The following EFEMP1 variants were observed in gnomAD, a reference collection of about 807,000 sequenced individuals.
EFEMP1 encodes the protein EGF-like fibulin extracellular matrix protein 1.
A neutral mutation model predicts 65.7 loss-of-function variants in EFEMP1; 18 were observed. That is an observed-to-expected ratio of 0.27 (90% CI 0.19 to 0.41). EFEMP1 has a LOEUF of 0.41. Among genes scored for constraint, EFEMP1 ranks in the 10% least tolerant of loss-of-function variants. EFEMP1 has a pLI of 1.00. For missense variants in EFEMP1, 469 were observed against 624.8 expected (o/e 0.75, Z 2.66); for synonymous variants, 237 against 219.7 (o/e 1.08, Z -0.70).
In EFEMP1 at chr2:55,921,003, C is replaced by T. The variant is rs1049157725; in HGVS notation, c.81+1357G>A. 1.4e-4 allele frequency among the ~76,000 whole-genome samples: 21 copies of T among 152,098 alleles called. No homozygotes were observed. Among genetic ancestry groups the T allele is most frequent in the African/African-American group, 5.1e-4 (21 of 41,422 alleles). ...TCTTAAAACTATCATGTTTAAGCCA[C>T]AGGGAACCTTCTCTGGTAAAAATGA... On this transcript the variant is annotated intron_variant, in intron 3 of 11. Coordinates refer to ENST00000355426, the MANE Select transcript of EFEMP1 (RefSeq NM_001039348.3). The surrounding 1 kb of genome is among the most constrained non-coding windows in gnomAD (Gnocchi z 4.1).
intron 8 of EFEMP1, 57 bp from the exon 9 acceptor site, chr2:55,875,122 TTGG>T: frequency 9.2e-7 from 1 of 1,090,678 alleles, no homozygotes; most frequent in Non-Finnish European, 1.3e-6. Context: ...CACCACTACT[TTGG>T]ATATATATAT....
Position 55,921,759 on chromosome 2 carries a change from C to T in EFEMP1, c.81+601G>A, listed in dbSNP as rs975232584. ...GAGACGCTAATTAGAAAATGCAAAA[C>T]GGAGTTGCACACATTACGTTTTAAA... On this transcript the variant is annotated intron_variant, in intron 3 of 11. Coordinates refer to ENST00000355426, the MANE Select transcript of EFEMP1 (RefSeq NM_001039348.3). The surrounding 1 kb of genome is among the most constrained non-coding windows in gnomAD (Gnocchi z 4.1). Among the ~76,000 whole-genome samples, 8 of 152,176 alleles carry T rather than the reference C, an allele frequency of 5.3e-5. No individual in the cohort carries two copies. Among genetic ancestry groups the T allele is most frequent in the East Asian group, 3.9e-4 (2 of 5,190 alleles).
intron 5 of EFEMP1, among the ~76,000 whole-genome samples, chr2:55,909,691 T>C (rs1670409864): frequency 6.6e-6 from 1 of 152,210 alleles, no homozygotes; most frequent in Non-Finnish European, 1.5e-5. Context: ...CGTTTTCTTT[T>C]TCTGTCCAAA....
Position 55,871,641 on chromosome 2 carries a change from G to A in EFEMP1, c.1001-518C>T, listed in dbSNP as rs974886357. 6.6e-6 allele frequency among the ~76,000 whole-genome samples: 1 copy of A among 152,020 alleles called. No individual in the cohort carries two copies. Among genetic ancestry groups the A allele is most frequent in the Non-Finnish European group, 1.5e-5 (1 of 67,976 alleles). Reference sequence around the variant, plus strand: ...GTTAGATGGAGTTTTCATGGCTGGGGCAGGGAAGGCTTTCCAAGCTGAGAA... The same window carrying A: ...GTTAGATGGAGTTTTCATGGCTGGGACAGGGAAGGCTTTCCAAGCTGAGAA... On this transcript the variant is annotated intron_variant, in intron 9 of 11. Transcript: ENST00000355426. This position sits in a 1 kb window ranked among gnomAD's most constrained non-coding sequence, Gnocchi z 4.2.
At position 55,870,954 on chromosome 2, in the gene EFEMP1, G is replaced by C. The variant is rs1267582774; in HGVS notation, c.1125-39C>G. 2 of 1,613,726 alleles carry C rather than the reference G, an allele frequency of 1.2e-6. No individual in the cohort carries two copies. Among genetic ancestry groups the C allele is most frequent in the Non-Finnish European group, 8.5e-7 (1 of 1,179,786 alleles). On this transcript the variant is annotated intron_variant, in intron 10 of 11. Transcript: ENST00000355426. The surrounding 1 kb of genome is among the most constrained non-coding windows in gnomAD (Gnocchi z 5.8). ...CAAAAGTATTCAGCAGTTTGGCTTG[G>C]TAAGACCAGAAAATCCTCACTTTCA...
rs1016737936 is a variant in EFEMP1 at position 55,886,337 on chromosome 2, A to C, written c.518-4603T>G. ...TCCAGACTGTAAACCCCTGGAGTAA[A>C]ATAACCGTATCTTTACTAGTTCTGT... On this transcript the variant is annotated intron_variant, in intron 5 of 11. Coordinates refer to ENST00000355426, the MANE Select transcript of EFEMP1 (RefSeq NM_001039348.3). This position sits in a 1 kb window ranked among gnomAD's most constrained non-coding sequence, Gnocchi z 4.0. Among the ~76,000 whole-genome samples, 1 of 152,130 alleles carries C rather than the reference A, an allele frequency of 6.6e-6. No homozygotes were observed. The highest frequency in any genetic ancestry group is 1.5e-5 in the Non-Finnish European group (1 of 68,014).
intron 5 of EFEMP1, among the ~76,000 whole-genome samples, chr2:55,882,939 T>G (rs959190901): frequency 6.6e-6 from 1 of 152,102 alleles, no homozygotes; most frequent in Admixed American, 6.5e-5. Context: ...CCTCTAAGAA[T>G]CTCTGAGAGT....
intron 5 of EFEMP1, among the ~76,000 whole-genome samples, chr2:55,914,011 A>G (rs945108438): frequency 1.3e-5 from 2 of 152,012 alleles, no homozygotes; most frequent in African/African-American, 4.8e-5. Context: ...CTCTGTCTCA[A>G]AAAAAAAGGA....
chr2:55,874,711 C>T (rs1397034906), intron 9 of EFEMP1, among the ~76,000 whole-genome samples: 1 of 151,898 alleles, frequency 6.6e-6, no homozygotes, highest in Non-Finnish European at 1.5e-5. Context: ...ACATAGAATA[C>T]ATATCAATAT....
At chr2:55,920,086 A>G (rs904564404) in intron 3 of EFEMP1, among the ~76,000 whole-genome samples, 1 of 152,156 alleles carries the variant, frequency 6.6e-6, no homozygotes, top group African/African-American at 2.4e-5. Context: ...CCCACTACCC[A>G]GTTCCAGCTG....
chr2:55,891,094 C>T (rs981544198), intron 5 of EFEMP1, among the ~76,000 whole-genome samples: 27 of 151,978 alleles, frequency 1.8e-4, no homozygotes, highest in African/African-American at 6.0e-4. Context: ...TTCTGCTCTT[C>T]TCCCTGGGAA....
chr2:55,884,236 A>C (rs1278431430), intron 5 of EFEMP1, among the ~76,000 whole-genome samples: 1 of 152,218 alleles, frequency 6.6e-6, no homozygotes, highest in East Asian at 1.9e-4. Flanking sequence ...TTATTAGTTT[A>C]TTTAAATAAC....
chr2:55,923,678 C>G lies in EFEMP1; in HGVS notation c.-49+33G>C, dbSNP rs1037004807. On this transcript the variant is annotated intron_variant, in intron 1 of 11. Transcript: ENST00000355426. This position sits in a 1 kb window ranked among gnomAD's most constrained non-coding sequence, Gnocchi z 5.3. ...CGCGCGGCCCAGTGAGTACTGGGCT[C>G]GCTCGGGGCGACCCCCCGTTGGGGG... 1 of 985,644 alleles carries G rather than the reference C, an allele frequency of 1.0e-6. No individual in the cohort carries two copies. Among genetic ancestry groups the G allele is most frequent in the African/African-American group, 1.7e-5 (1 of 57,210 alleles). 61.1% of individuals were successfully genotyped at this position (985,644 alleles called of 1,614,324 possible).
chr2:55,922,994 T>C lies in EFEMP1; in HGVS notation c.-48-55A>G. The C allele has an allele frequency of 1.0e-6, 1 of 1,000,634 alleles. No individual in the cohort carries two copies. Among genetic ancestry groups the C allele is most frequent in the Non-Finnish European group, 1.2e-6 (1 of 836,686 alleles). The allele number at this position is 1,000,634 out of a possible 1,614,324, so 62.0% of individuals were successfully genotyped here. A position where few individuals can be genotyped will look rare whatever the true frequency, so the allele number is the denominator to read the frequency against. ...CAAGCTTTTTATTTTTTAAACAAAA[T>C]AACAAAACAAAACTCGGAGAGCAAT... is the stretch of plus-strand genomic sequence containing the variant. On this transcript the variant is annotated intron_variant, in intron 1 of 11. Coordinates refer to ENST00000355426, the MANE Select transcript of EFEMP1 (RefSeq NM_001039348.3). This position sits in a 1 kb window ranked among gnomAD's most constrained non-coding sequence, Gnocchi z 5.5.
intron 5 of EFEMP1, among the ~76,000 whole-genome samples, chr2:55,910,209 T>G (rs1282846232): frequency 1.3e-5 from 2 of 152,226 alleles, no homozygotes; most frequent in Admixed American, 6.5e-5. Flanking sequence ...CACTTCATTT[T>G]TATTAAATGT....
chr2:55,866,548 A>G lies in EFEMP1; in HGVS notation c.*525T>C, dbSNP rs892560267. 6.5e-6 allele frequency: 1 copy of G among 154,218 alleles called. No homozygotes were observed. Among genetic ancestry groups the G allele is most frequent in the Non-Finnish European group, 1.4e-5 (1 of 69,106 alleles). The allele number at this position is 154,218 out of a possible 1,614,324, so 9.6% of individuals were successfully genotyped here. ...AGCAATGATTTATTACTATATAATA[A>G]ACAACCACCTTTAGGCTGGATATGA... On this transcript the variant is annotated 3_prime_UTR_variant, in exon 12 of 12. Coordinates refer to ENST00000355426, the MANE Select transcript of EFEMP1 (RefSeq NM_001039348.3).
At chr2:55,875,306 C>T (rs1668984874) in intron 8 of EFEMP1, among the ~76,000 whole-genome samples, 1 of 146,146 alleles carries the variant, frequency 6.8e-6, no homozygotes, top group African/African-American at 2.6e-5. Flanking sequence ...GACTTGGGCA[C>T]ATTTCTTAAG....
Position 55,883,346 on chromosome 2 carries a change from C to T in EFEMP1, c.518-1612G>A, listed in dbSNP as rs569209834. Among the ~76,000 whole-genome samples, 4 of 152,268 alleles carry T rather than the reference C, an allele frequency of 2.6e-5. No individual in the cohort carries two copies. Among genetic ancestry groups the T allele is most frequent in the African/African-American group, 9.6e-5 (4 of 41,562 alleles). On this transcript the variant is annotated intron_variant, in intron 5 of 11. Transcript: ENST00000355426. This position sits in a 1 kb window ranked among gnomAD's most constrained non-coding sequence, Gnocchi z 4.5. Reference sequence around the variant, plus strand: ...AGGTACTATGCGATGGTGCAACAATCCTGCTTTGAAATTATCTGCTGTTTT... The same window carrying T: ...AGGTACTATGCGATGGTGCAACAATTCTGCTTTGAAATTATCTGCTGTTTT...
Position 55,921,654 on chromosome 2 carries a change from T to A in EFEMP1, c.81+706A>T, listed in dbSNP as rs1670909393. On this transcript the variant is annotated intron_variant, in intron 3 of 11. Transcript: ENST00000355426. This position sits in a 1 kb window ranked among gnomAD's most constrained non-coding sequence, Gnocchi z 4.1. ...CAACTATTTGTAGCAGTGGGAGGGG[T>A]CAGGTGATCTTTTTAATATTTTATT... Among the ~76,000 whole-genome samples, 1 of 152,128 alleles carries A rather than the reference T, an allele frequency of 6.6e-6. No homozygotes were observed. Among genetic ancestry groups the A allele is most frequent in the Non-Finnish European group, 1.5e-5 (1 of 68,038 alleles).
Sources: gnomAD v4.1 joint callset for allele counts (sites outside exome capture counted in the v4.1 genomes callset) on GRCh38, gnomAD v4.1.1 for gene constraint, Gnocchi (gnomAD v3.1) non-coding constraint, MANE v1.5 for transcripts, NCBI Gene and HGNC (gene_info 2026-07-23, HGNC 2026-07-21) for gene names.